MME: variants seen among roughly 807,000 people sequenced by gnomAD.
MME encodes the protein membrane metalloendopeptidase, also known as neprilysin.
A neutral mutation model predicts 113.2 loss-of-function variants in MME; 98 were observed. The observed-to-expected ratio is 0.87, with a 90% CI of 0.74 to 1.02. MME has a LOEUF of 1.02. MME is among the 50% of genes least tolerant of loss of function. The pLI is 0.00. For synonymous variants in MME, 292 were observed against 300.6 expected, an observed-to-expected ratio of 0.97 and a Z score of 0.30; for missense variants, 836 against 896.0, an observed-to-expected ratio of 0.93 and a Z score of 0.86.
At chr3:155,134,856 G>T (rs1039543788) in intron 8 of MME, among the ~76,000 whole-genome samples, 1 of 152,070 alleles carries the variant, frequency 6.6e-6, no homozygotes, top group African/African-American at 2.4e-5. Context: ...GTATTTCATC[G>T]TGGTTTAGAT....
chr3:155,069,949 A>G (rs1239992864), intron 1 of MME, among the ~76,000 whole-genome samples: 1 of 152,180 alleles, frequency 6.6e-6, no homozygotes, highest in Non-Finnish European at 1.5e-5. Flanking sequence ...GGAAATGGGT[A>G]TGACCAGAGG....
Position 155,034,269 on chromosome 3 carries a change from A to T in MME, c.-11+9945A>T, listed in dbSNP as rs116468526. 2.2e-3 allele frequency among the ~76,000 whole-genome samples: 338 copies of T among 152,272 alleles called. 2 individuals carry two copies. The highest frequency in any genetic ancestry group is 7.9e-3 in the African/African-American group (327 of 41,558). The stretch of plus-strand genomic sequence containing the variant: ...TCTCTGACCATCAAAGAAACTTACC[A>T]CCAGTTCATTTCTGAGTCCCAGAAT... On this transcript the variant is annotated intron_variant, in intron 1 of 22. Coordinates refer to the MME transcript ENST00000492661.
chr3:155,048,720 T>C (rs1458956799), intron 1 of MME, among the ~76,000 whole-genome samples: 1 of 152,126 alleles, frequency 6.6e-6, no homozygotes, highest in East Asian at 1.9e-4. Context: ...TAGTACATGG[T>C]AGGCCTCTTG....
Position 155,172,630 on chromosome 3 carries a change from G to A in MME, c.2153+18G>A. ...AATTTCAGGTGCGTGGATATGAACA[G>A]CAATCAAGGTGCTCTTATATTGGGT... On this transcript the variant is annotated intron_variant, in intron 22 of 22. Transcript: ENST00000360490. 1.9e-6 allele frequency: 3 copies of A among 1,579,850 alleles called. No individual in the cohort carries two copies. Among genetic ancestry groups the A allele is most frequent in the Non-Finnish European group, 2.6e-6 (3 of 1,149,412 alleles).
intron 3 of MME, among the ~76,000 whole-genome samples, chr3:155,099,636 A>G (rs1227862754): frequency 6.6e-6 from 1 of 152,246 alleles, no homozygotes. Flanking sequence ...TTCATAAAAA[A>G]GAAACTGCTT....
At chr3:155,050,512 T>C (rs555473612) in intron 1 of MME, among the ~76,000 whole-genome samples, 1 of 152,242 alleles carries the variant, frequency 6.6e-6, no homozygotes, top group Non-Finnish European at 1.5e-5. Context: ...GACTTTTTAA[T>C]AATAACCATT....
chr3:155,042,543 CTGTT>C (rs1239784770), intron 1 of MME, among the ~76,000 whole-genome samples: 4 of 151,974 alleles, frequency 2.6e-5, no homozygotes, highest in Non-Finnish European at 4.4e-5. Flanking sequence ...ATGCCAAAGA[CTGTT>C]TGAATCTTTA....
At chr3:155,134,559 A>T (rs1720468058) in intron 8 of MME, among the ~76,000 whole-genome samples, 1 of 152,092 alleles carries the variant, frequency 6.6e-6, no homozygotes, top group Admixed American at 6.6e-5. Context: ...CTCTAGGTTG[A>T]TTCTACGTTT....
chr3:155,133,058 A>ATATATATATAT (rs1399456952), intron 8 of MME, among the ~76,000 whole-genome samples: 1 of 84,240 alleles, frequency 1.2e-5, no homozygotes, highest in African/African-American at 4.6e-5. Context: ...AAAAAAAAAA[A>ATATATATATAT]AAAAATATAT....
intron 8 of MME, among the ~76,000 whole-genome samples, chr3:155,133,714 A>T (rs1318234524): frequency 6.9e-6 from 1 of 144,266 alleles, no homozygotes; most frequent in African/African-American, 2.5e-5. Flanking sequence ...GTGTGTATAT[A>T]TATGGTGTGT....
chr3:155,152,196 C>T (rs776534607), intron 16 of MME, among the ~76,000 whole-genome samples: 3 of 152,136 alleles, frequency 2.0e-5, no homozygotes, highest in South Asian at 2.1e-4. Context: ...TTCTTACATC[C>T]TTGTCTCTTA....
intron 3 of MME, among the ~76,000 whole-genome samples, chr3:155,086,112 A>C (rs1715699909): frequency 6.6e-6 from 1 of 152,174 alleles, no homozygotes; most frequent in Non-Finnish European, 1.5e-5. Context: ...GAGGGCAGGC[A>C]GGTGGGGGCT....
intron 8 of MME, among the ~76,000 whole-genome samples, chr3:155,131,088 T>C (rs1720109421): frequency 6.6e-6 from 1 of 152,172 alleles, no homozygotes; most frequent in South Asian, 2.1e-4. Flanking sequence ...GGGTAAGGCA[T>C]GGGTGATTCA....
chr3:155,124,640 C>G (rs1719443493), intron 8 of MME, among the ~76,000 whole-genome samples: 1 of 151,728 alleles, frequency 6.6e-6, no homozygotes, highest in South Asian at 2.1e-4. Flanking sequence ...TTCTAACAGA[C>G]AGGACCCTCA....
At position 155,166,969 on chromosome 3, in the gene MME, G is replaced by T. The variant is rs1484172889; in HGVS notation, c.1728G>T (p.Gly576=). The change falls in exon 18 of 23, where the codon GGG becomes GGT. Residue 576 remains glycine (G), a synonymous_variant. Coordinates refer to ENST00000360490, the MANE Select transcript of MME (RefSeq NM_007289.4). ...SAQQSNSLNY[G]GIGMVIGHEI... is the part of the protein sequence containing the mutation. The stretch of plus-strand genomic sequence containing the variant: ...AGCAGTCCAACTCATTGAACTATGG[G>T]GGCATCGGCATGGTCATAGGACACG... The T allele has an allele frequency of 6.2e-7, 1 of 1,613,732 alleles. No individual in the cohort carries two copies. The highest frequency in any genetic ancestry group is 2.2e-5 in the East Asian group (1 of 44,816).
At chr3:155,183,725 C>T (rs1385841086), downstream of MME, 3 of 152,192 alleles carry the variant, frequency 2.0e-5, no homozygotes, top group Non-Finnish European at 2.9e-5. Context: ...GCCTAGTCAA[C>T]TCTGTTCCAA....
Position 155,168,876 on chromosome 3 carries a change from CA to C in MME, c.1980+86del, listed in dbSNP as rs985581941. On this transcript the variant is annotated intron_variant, in intron 20 of 22. Coordinates refer to ENST00000360490, the MANE Select transcript of MME (RefSeq NM_007289.4). ...TTAATAATTCATTTAAAACCTTTTG[CA>C]AAAAAAGAAACTCATATAAGCAGTA... The C allele has an allele frequency of 5.5e-6, 7 of 1,274,170 alleles. No individual in the cohort carries two copies. In the African/African-American group the frequency reaches 6.1e-5, roughly 11 times the overall value. The allele number at this position is 1,274,170 out of a possible 1,614,324, so 78.9% of individuals were successfully genotyped here.
Position 155,172,722 on chromosome 3 carries a change from GC to G in MME, c.2153+111del. 16 of 747,860 alleles carry G rather than the reference GC, an allele frequency of 2.1e-5. No individual in the cohort carries two copies. In the African/African-American group the frequency reaches 2.7e-4, roughly 13 times the overall value. 46.3% of individuals were successfully genotyped at this position (747,860 alleles called of 1,614,324 possible). A position where few individuals can be genotyped will look rare whatever the true frequency, so the allele number is the denominator to read the frequency against. On this transcript the variant is annotated intron_variant, in intron 22 of 22. Coordinates refer to ENST00000360490, the MANE Select transcript of MME (RefSeq NM_007289.4). ...ATTCTTTTACATTTGGAAATTCAGTGCTTTTTTTTTTTTTTGAGAGTCAAAG... is the reference window on the plus strand; with the variant it reads ...ATTCTTTTACATTTGGAAATTCAGTGTTTTTTTTTTTTTTGAGAGTCAAAG...
In MME at chr3:155,148,609, A is replaced by G. The variant is rs1285064144; in HGVS notation, c.1557A>G (p.Gln519=). 4 of 1,613,024 alleles carry G rather than the reference A, an allele frequency of 2.5e-6. No individual in the cohort carries two copies. In the East Asian group the frequency reaches 8.9e-5, roughly 36 times the overall value. Reference sequence around the variant, plus strand: ...TAATTCAAAATTTGAAATTCAGCCAAAGTAAACAACTGAAGAAGCTCCGAG... The same window carrying G: ...TAATTCAAAATTTGAAATTCAGCCAGAGTAAACAACTGAAGAAGCTCCGAG... ...ENIIQNLKFS[Q]SKQLKKLREK... The change falls in exon 16 of 23, where the codon CAA becomes CAG. Residue 519 remains glutamine, a synonymous_variant. Transcript: ENST00000360490.
Sources: gnomAD v4.1 joint callset for allele counts (sites outside exome capture counted in the v4.1 genomes callset) on GRCh38, gnomAD v4.1.1 for gene constraint, MANE v1.5 for transcripts, NCBI Gene and HGNC (gene_info 2026-07-23, HGNC 2026-07-21) for gene names.